APPL2: variants seen among roughly 807,000 people sequenced by gnomAD.
APPL2 encodes adaptor protein, phosphotyrosine interacting with PH domain and leucine zipper 2, also known as DCC-interacting protein 13-beta.
A neutral mutation model predicts 92.7 loss-of-function variants in APPL2; 84 were observed. That is an observed-to-expected ratio of 0.91 (90% CI 0.76 to 1.09). APPL2 has a LOEUF of 1.09. Among genes scored for constraint, APPL2 ranks in the 50% least tolerant of loss-of-function variants. The pLI, the probability that APPL2 is intolerant of heterozygous loss-of-function variation, is 0.00. For synonymous variants in APPL2, 291 were observed against 291.0 expected, an observed-to-expected ratio of 1.00 and a Z score of 0.00; for missense variants, 736 against 824.5, an observed-to-expected ratio of 0.89 and a Z score of 1.31.
chr12:105,226,678 T>C (rs1283713459), intron 2 of APPL2, among the ~76,000 whole-genome samples: 1 of 152,234 alleles, frequency 6.6e-6, no homozygotes, highest in Non-Finnish European at 1.5e-5. Flanking sequence ...TACAAATTGC[T>C]GAATAGCAAG....
At chr12:105,207,708 C>T (rs781443724) in intron 7 of APPL2, among the ~76,000 whole-genome samples, 3 of 152,090 alleles carry the variant, frequency 2.0e-5, no homozygotes, top group Non-Finnish European at 4.4e-5. Flanking sequence ...ATGAGTCAGA[C>T]GAGGCAGCAA....
intron 1 of APPL2, among the ~76,000 whole-genome samples, chr12:105,234,664 A>G (rs915733717): frequency 3.9e-5 from 6 of 152,248 alleles, no homozygotes; most frequent in Middle Eastern, 3.2e-3. Flanking sequence ...ATCCTTGTTC[A>G]AAGTGATCAT....
chr12:105,179,809 T>A (rs1161289680), intron 17 of APPL2, among the ~76,000 whole-genome samples: 1 of 152,194 alleles, frequency 6.6e-6, no homozygotes, highest in Non-Finnish European at 1.5e-5. Flanking sequence ...CTTCACCCAC[T>A]TTTTGACGGG....
intron 14 of APPL2, among the ~76,000 whole-genome samples, chr12:105,194,447 T>A (rs1208477313): frequency 6.6e-6 from 1 of 152,126 alleles, no homozygotes; most frequent in Non-Finnish European, 1.5e-5. Context: ...TCCCAGCACT[T>A]TGGGAAGCTG....
chr12:105,192,970 C>T (rs541831197), intron 14 of APPL2, among the ~76,000 whole-genome samples: 17 of 152,182 alleles, frequency 1.1e-4, no homozygotes, highest in Admixed American at 4.6e-4. Flanking sequence ...CTTTCCCCCC[C>T]CACTGTCATC....
At chr12:105,214,716 C>T (rs181907520) in intron 4 of APPL2, among the ~76,000 whole-genome samples, 11 of 152,184 alleles carry the variant, frequency 7.2e-5, no homozygotes, top group Admixed American at 6.5e-4. Flanking sequence ...TTTGGAATTT[C>T]CTGGATGATG....
At chr12:105,188,960 C>T (rs753036678) in intron 16 of APPL2, among the ~76,000 whole-genome samples, 1 of 152,148 alleles carries the variant, frequency 6.6e-6, no homozygotes, top group Non-Finnish European at 1.5e-5. Flanking sequence ...CTGACAGTGG[C>T]GCATAACTTG....
chr12:105,192,383 G>C (rs73179998), intron 14 of APPL2, among the ~76,000 whole-genome samples: 19,842 of 151,944 alleles, frequency 0.13, 1,502 homozygotes, highest in African/African-American at 0.22. Flanking sequence ...GGGTATCTCT[G>C]TCTCCATCAC....
In APPL2 at chr12:105,236,046, A is replaced by G. The variant is rs1480295195; in HGVS notation, c.-34T>C. 28 of 1,231,566 alleles carry G rather than the reference A, an allele frequency of 2.3e-5. No individual in the cohort carries two copies. Among genetic ancestry groups the G allele is most frequent in the Non-Finnish European group, 2.9e-5 (28 of 980,582 alleles). 76.3% of individuals were successfully genotyped at this position (1,231,566 alleles called of 1,614,324 possible). ...GCGGCTCAGCCGAGGGCTGGGTTGG[A>G]AGGACAGAGGGCAGGAGACGCGGCG... On this transcript the variant is annotated 5_prime_UTR_variant, in exon 1 of 21. Transcript: ENST00000258530.
intron 17 of APPL2, among the ~76,000 whole-genome samples, chr12:105,186,802 A>G (rs1016262624): frequency 6.6e-6 from 1 of 150,994 alleles, no homozygotes; most frequent in African/African-American, 2.4e-5. Context: ...ATGGAGTGAC[A>G]TATCTCATTG....
intron 17 of APPL2, among the ~76,000 whole-genome samples, chr12:105,178,401 A>G (rs1885761515): frequency 2.0e-5 from 3 of 152,170 alleles, no homozygotes; most frequent in African/African-American, 7.2e-5. Context: ...GTGGGTTGCC[A>G]GGGGCTAATG....
chr12:105,232,239 A>G (rs1890978199), intron 1 of APPL2, among the ~76,000 whole-genome samples: 1 of 152,174 alleles, frequency 6.6e-6, no homozygotes, highest in Non-Finnish European at 1.5e-5. Flanking sequence ...AATTCCATCC[A>G]TTTTCTACTG....
At position 105,229,185 on chromosome 12, in the gene APPL2, G is replaced by A; in HGVS notation, c.93C>T (p.Gly31=). The change falls in exon 2 of 21, where the codon GGC becomes GGT. Residue 31 remains glycine (G), a synonymous_variant. Coordinates refer to ENST00000258530, the MANE Select transcript of APPL2 (RefSeq NM_018171.5). ...GCTGGTTGGTATAGTCTGTGAGGGT[G>A]CCAGCATCTTCTTCAAACACGCTCA... ...SLLSVFEEDA[G]TLTDYTNQLL... The A allele has an allele frequency of 6.2e-7, 1 of 1,613,794 alleles. No homozygotes were observed. The highest frequency in any genetic ancestry group is 8.5e-7 in the Non-Finnish European group (1 of 1,179,892).
At chr12:105,215,473 G>A (rs1485392033) in intron 4 of APPL2, among the ~76,000 whole-genome samples, 9 of 152,118 alleles carry the variant, frequency 5.9e-5, no homozygotes, top group African/African-American at 1.9e-4. Context: ...ATCATATGAC[G>A]TGTTCACTTT....
rs767809247 is a variant in APPL2, at chr12:105,207,104, T to C, written c.578A>G (p.Gln193Arg). Reference protein sequence around the residue: ...CALNALQYRKQMAMMEPMIGF... With the variant: ...CALNALQYRKRMAMMEPMIGF... ...TATCATGGGCTCCATCATGGCCATT[T>C]GCTTTCTGTACTGCAGCGCGTTGAG... is the stretch of plus-strand genomic sequence containing the variant. The change falls in exon 8 of 21, where the codon CAA becomes CGA. Residue 193 changes from glutamine (Q) to arginine (R), a missense_variant. Physicochemically the swap from Gln to Arg is conservative, Grantham distance 43 (BLOSUM62 1). Transcript: ENST00000258530. The C allele has an allele frequency of 9.3e-6, 15 of 1,614,224 alleles. No individual in the cohort carries two copies. In the South Asian group the frequency reaches 1.6e-4, roughly 18 times the overall value.
chr12:105,196,997 C>G (rs1887703882), intron 11 of APPL2, among the ~76,000 whole-genome samples: 1 of 152,102 alleles, frequency 6.6e-6, no homozygotes, highest in African/African-American at 2.4e-5. Context: ...CAATGCCGTC[C>G]CCACCCCTAC....
chr12:105,215,804 G>A (rs192378851), intron 4 of APPL2, among the ~76,000 whole-genome samples: 135 of 152,234 alleles, frequency 8.9e-4, no homozygotes, highest in African/African-American at 3.1e-3. Context: ...ACTTTGGGAT[G>A]CCGAGGTGGG....
intron 8 of APPL2, among the ~76,000 whole-genome samples, 185 bp from the exon 9 acceptor site, chr12:105,203,970 T>C (rs1467590343): frequency 6.6e-6 from 1 of 152,214 alleles, no homozygotes; most frequent in African/African-American, 2.4e-5. Flanking sequence ...GAAACCACAG[T>C]TGCTGGCTTT....
intron 3 of APPL2, 78 bp from the exon 4 acceptor site, chr12:105,217,218 G>A (rs1470967403): frequency 6.7e-6 from 6 of 901,062 alleles, no homozygotes; most frequent in African/African-American, 3.3e-5. Flanking sequence ...TGCAGAACAC[G>A]ACCCTCCACA....
Sources: allele counts gnomAD v4.1 joint callset (sites outside exome capture counted in the v4.1 genomes callset), GRCh38; gene constraint gnomAD v4.1.1; transcripts MANE v1.5; gene names NCBI Gene and HGNC (gene_info 2026-07-23, HGNC 2026-07-21).